Variants in TGFA observed in about 807,000 individuals in gnomAD.
The protein encoded by TGFA is protransforming growth factor alpha.
A neutral mutation model predicts 21.7 loss-of-function variants in TGFA; 12 were observed. The ratio of observed to expected loss-of-function variants is 0.55; its 90% CI spans 0.35 to 0.90. TGFA has a LOEUF of 0.90. Ranked by LOEUF, TGFA falls within the 40% of genes least tolerant of loss-of-function variation. The pLI is 0.01. For synonymous variants in TGFA, 79 were observed against 88.1 expected, an observed-to-expected ratio of 0.90 and a Z score of 0.58; for missense variants, 178 against 210.8, an observed-to-expected ratio of 0.84 and a Z score of 0.96.
chr2:70,519,342 G>A (rs1487052892), intron 1 of TGFA, among the ~76,000 whole-genome samples: 2 of 152,196 alleles, frequency 1.3e-5, no homozygotes, highest in African/African-American at 2.4e-5. Flanking sequence ...AGATAGTATA[G>A]GTTCATGGCA....
At chr2:70,508,959 TC>T (rs1553500587) in intron 2 of TGFA, among the ~76,000 whole-genome samples, 1 of 152,150 alleles carries the variant, frequency 6.6e-6, no homozygotes, top group African/African-American at 2.4e-5. Context: ...CAGCACAATT[TC>T]CTTTGCAAAA....
chr2:70,514,663 C>G (rs560785875), intron 2 of TGFA, among the ~76,000 whole-genome samples, 196 bp downstream of exon 2: 39 of 152,138 alleles, frequency 2.6e-4, no homozygotes, highest in Non-Finnish European at 5.3e-4. Flanking sequence ...GGGCCAGGAA[C>G]AGCCCCCCCT....
intron 3 of TGFA, among the ~76,000 whole-genome samples, chr2:70,459,964 C>A (rs76863526): frequency 2.0e-5 from 3 of 152,152 alleles, no homozygotes. Context: ...AAGAACAGTG[C>A]GTCTTAGCCC....
At chr2:70,543,858 A>G (rs1254901992) in intron 1 of TGFA, among the ~76,000 whole-genome samples, 2 of 152,234 alleles carry the variant, frequency 1.3e-5, no homozygotes, top group Admixed American at 1.3e-4. Flanking sequence ...TAATATTGAT[A>G]TCAAAATCTA....
intron 1 of TGFA, among the ~76,000 whole-genome samples, chr2:70,533,036 ATT>A (rs3836150): frequency 7.0e-6 from 1 of 143,778 alleles, no homozygotes; most frequent in Non-Finnish European, 1.5e-5. Context: ...TAATTTTTGT[ATT>A]TTTTTTTTTC....
intron 2 of TGFA, among the ~76,000 whole-genome samples, chr2:70,478,167 A>G (rs1574086658): frequency 1.3e-5 from 2 of 152,184 alleles, no homozygotes; most frequent in East Asian, 3.8e-4. Flanking sequence ...GAGTAGTAAC[A>G]GTCTTTTGGG....
intron 2 of TGFA, among the ~76,000 whole-genome samples, chr2:70,491,740 CT>C (rs1671444144): frequency 6.6e-6 from 1 of 152,136 alleles, no homozygotes; most frequent in Admixed American, 6.5e-5. Flanking sequence ...ACACTTTTTG[CT>C]GTCCTCTGGC....
At chr2:70,485,877 C>T (rs1008481279) in intron 2 of TGFA, among the ~76,000 whole-genome samples, 2 of 152,184 alleles carry the variant, frequency 1.3e-5, no homozygotes, top group Non-Finnish European at 2.9e-5. Flanking sequence ...TCAAGAAAGA[C>T]CAGATACTTA....
intron 2 of TGFA, among the ~76,000 whole-genome samples, chr2:70,498,194 C>G (rs568678567): frequency 1.4e-4 from 21 of 152,364 alleles, no homozygotes; most frequent in African/African-American, 5.0e-4. Flanking sequence ...CTATTGCATA[C>G]CTCACCTCTT....
At chr2:70,507,213 C>T (rs1235104815) in intron 2 of TGFA, among the ~76,000 whole-genome samples, 2 of 152,238 alleles carry the variant, frequency 1.3e-5, no homozygotes, top group Non-Finnish European at 2.9e-5. Flanking sequence ...AAGGCCGAGG[C>T]AGCCTGCACT....
intron 1 of TGFA, among the ~76,000 whole-genome samples, chr2:70,548,903 C>A (rs782510411): frequency 6.0e-5 from 9 of 149,940 alleles, no homozygotes; most frequent in Non-Finnish European, 1.3e-4. Flanking sequence ...CTTTCTTGAG[C>A]CTATGAAAGA....
At chr2:70,489,221 G>A (rs1039384947) in intron 2 of TGFA, among the ~76,000 whole-genome samples, 3 of 152,202 alleles carry the variant, frequency 2.0e-5, no homozygotes, top group African/African-American at 4.8e-5. Context: ...GCAGGTGAGC[G>A]CCTTCTCCCA....
At chr2:70,526,648 G>A (rs1317487559) in intron 1 of TGFA, among the ~76,000 whole-genome samples, 1 of 152,170 alleles carries the variant, frequency 6.6e-6, no homozygotes, top group Non-Finnish European at 1.5e-5. Context: ...CAAAAATCCC[G>A]GAGAAAATGC....
At chr2:70,503,588 A>G (rs1238943841) in intron 2 of TGFA, among the ~76,000 whole-genome samples, 1 of 151,654 alleles carries the variant, frequency 6.6e-6, no homozygotes, top group Non-Finnish European at 1.5e-5. Flanking sequence ...ATAATAAAAA[A>G]AAAAAAAGAA....
At chr2:70,460,155 A>C (rs1670367211) in intron 3 of TGFA, among the ~76,000 whole-genome samples, 1 of 152,142 alleles carries the variant, frequency 6.6e-6, no homozygotes, top group African/African-American at 2.4e-5. Context: ...TGCCTATTGA[A>C]ATTGCATGCA....
At chr2:70,474,415 C>T (rs1670863039) in intron 2 of TGFA, among the ~76,000 whole-genome samples, 1 of 152,184 alleles carries the variant, frequency 6.6e-6, no homozygotes, top group Non-Finnish European at 1.5e-5. Context: ...CCACAAATCA[C>T]GCTGGCAGTG....
chr2:70,468,397 G>A (rs1015446410), intron 2 of TGFA: 1 of 152,278 alleles, frequency 6.6e-6, no homozygotes, highest in Admixed American at 6.5e-5. Flanking sequence ...TTGAGTGGTT[G>A]AGGAACAGGC....
chr2:70,456,325 C>A lies in TGFA; in HGVS notation c.365+14G>T. The A allele has an allele frequency of 6.5e-7, 1 of 1,541,780 alleles. No homozygotes were observed. ...TGGGCAGGGGACCTGGCCTTAGGGG[C>A]AGCAAGTACTCACTGTATCAGCACA... On this transcript the variant is annotated intron_variant, in intron 4 of 5. Coordinates refer to ENST00000295400, the MANE Select transcript of TGFA (RefSeq NM_003236.4).
intron 5 of TGFA, 102 bp from the exon 6 acceptor site, chr2:70,450,968 A>T (rs4852189): frequency 0.025 from 36,009 of 1,428,486 alleles, 985 homozygotes; most frequent in Admixed American, 0.13. Flanking sequence ...AGCCAATGTC[A>T]CCAAGTTCTC....
Sources: allele counts gnomAD v4.1 joint callset (sites outside exome capture counted in the v4.1 genomes callset), GRCh38; gene constraint gnomAD v4.1.1; transcripts MANE v1.5; gene names NCBI Gene and HGNC (gene_info 2026-07-23, HGNC 2026-07-21).